Variants in ATL1 observed in about 807,000 individuals in gnomAD.
The protein encoded by ATL1 is atlastin-1.
Under a neutral mutation model 75.5 loss-of-function variants are expected in ATL1, and 31 were observed. That is an observed-to-expected ratio of 0.41 (90% CI 0.31 to 0.55). The LOEUF (loss-of-function observed/expected upper bound fraction) is 0.55. Ranked by LOEUF, ATL1 falls within the 20% of genes least tolerant of loss-of-function variation. ATL1 has a pLI of 0.27. For missense variants in ATL1, 405 were observed against 662.6 expected (o/e 0.61, Z 4.27); for synonymous variants, 226 against 233.3 (o/e 0.97, Z 0.28).
intron 1 of ATL1, among the ~76,000 whole-genome samples, chr14:50,562,622 A>T (rs964666757): frequency 2.6e-5 from 4 of 152,228 alleles, no homozygotes; most frequent in Non-Finnish European, 5.9e-5. Context: ...TTTACCCAGA[A>T]GTCATCAGGA....
upstream of ATL1, chr14:50,559,073 C>G (rs1035505987): frequency 3.9e-5 from 6 of 152,214 alleles, no homozygotes; most frequent in Non-Finnish European, 7.3e-5. Flanking sequence ...ATAATGTCCT[C>G]TCTTCTAGAG....
intron 1 of ATL1, among the ~76,000 whole-genome samples, chr14:50,546,837 GTT>G (rs34495619): frequency 6.6e-6 from 1 of 151,908 alleles, no homozygotes; most frequent in Non-Finnish European, 1.5e-5. Flanking sequence ...TGTGTTTAAG[GTT>G]TTTTTTTAAT....
intron 6 of ATL1, among the ~76,000 whole-genome samples, chr14:50,596,646 G>T (rs1421629538): frequency 6.6e-6 from 1 of 152,080 alleles, no homozygotes; most frequent in East Asian, 1.9e-4. Context: ...GTCATCATAG[G>T]ACAATTTAGT....
chr14:50,593,047 C>G lies in ATL1; in HGVS notation c.523-799C>G, dbSNP rs191717120. Among the ~76,000 whole-genome samples, 414 of 149,472 alleles carry G rather than the reference C, an allele frequency of 2.8e-3. 3 individuals are homozygous for G. The highest frequency in any genetic ancestry group is 9.8e-3 in the African/African-American group (396 of 40,520). On this transcript the variant is annotated intron_variant, in intron 4 of 13. Coordinates refer to ENST00000358385, the MANE Select transcript of ATL1 (RefSeq NM_015915.5). Reference sequence around the variant, plus strand: ...ATTTTGAATACACACATTGTATAAGCCTTTAAAATACTGACTTAATCTAAT... The same window carrying G: ...ATTTTGAATACACACATTGTATAAGGCTTTAAAATACTGACTTAATCTAAT...
chr14:50,547,875 T>C (rs1474039636), intron 1 of ATL1, among the ~76,000 whole-genome samples: 1 of 152,224 alleles, frequency 6.6e-6, no homozygotes, highest in Admixed American at 6.5e-5. Flanking sequence ...TAATGGACTT[T>C]CCAGGTACTA....
At chr14:50,560,833 G>A (rs1182140229) in intron 1 of ATL1, among the ~76,000 whole-genome samples, 1 of 152,198 alleles carries the variant, frequency 6.6e-6, no homozygotes, top group South Asian at 2.1e-4. Flanking sequence ...GCCGGGTCCC[G>A]GACGGACGGT....
At chr14:50,588,169 A>T (rs1210166525) in intron 2 of ATL1, 91 bp downstream of exon 2, 1 of 1,476,472 alleles carries the variant, frequency 6.8e-7, no homozygotes, top group African/African-American at 1.4e-5. Flanking sequence ...TTTCATTTCT[A>T]TTATTATGTA....
chr14:50,618,817 T>A (rs904450201), intron 8 of ATL1, among the ~76,000 whole-genome samples: 2 of 152,000 alleles, frequency 1.3e-5, no homozygotes, highest in African/African-American at 4.8e-5. Flanking sequence ...CAGATCTTGC[T>A]TTTTTACATA....
At chr14:50,608,408 T>C (rs919002565) in intron 6 of ATL1, among the ~76,000 whole-genome samples, 3 of 152,046 alleles carry the variant, frequency 2.0e-5, no homozygotes, top group Admixed American at 6.6e-5. Flanking sequence ...AAACCTTTAA[T>C]AGCTTGGAAT....
At chr14:50,594,563 G>A (rs1458930330) in intron 5 of ATL1, among the ~76,000 whole-genome samples, 1 of 152,096 alleles carries the variant, frequency 6.6e-6, no homozygotes, top group Non-Finnish European at 1.5e-5. Context: ...GCTCCAAAAG[G>A]AGCAGAAACA....
intron 1 of ATL1, among the ~76,000 whole-genome samples, chr14:50,570,697 C>G (rs777005658): frequency 2.6e-5 from 4 of 152,074 alleles, no homozygotes; most frequent in Non-Finnish European, 4.4e-5. Flanking sequence ...GTAGGGTTGC[C>G]ATATTGTCTT....
chr14:50,549,425 T>C (rs1179006743), intron 1 of ATL1, among the ~76,000 whole-genome samples: 2 of 152,116 alleles, frequency 1.3e-5, no homozygotes, highest in Non-Finnish European at 2.9e-5. Context: ...CTGCACCAAG[T>C]CACATACATA....
intron 12 of ATL1, among the ~76,000 whole-genome samples, chr14:50,629,007 C>T (rs964628263): frequency 6.6e-6 from 1 of 152,110 alleles, no homozygotes; most frequent in African/African-American, 2.4e-5. Context: ...CGTGAGCCAC[C>T]CAGCCTACTT....
Position 50,632,461 on chromosome 14 carries a change from G to A in ATL1, c.*122G>A. ...GAGTAAAATACTAAACACCTCTGAA[G>A]ACTGCAAACTGGATTAGTTCTTTTA... On this transcript the variant is annotated 3_prime_UTR_variant, in exon 14 of 14. Transcript: ENST00000358385. 2 of 700,758 alleles carry A rather than the reference G, an allele frequency of 2.9e-6. No homozygotes were observed. Among genetic ancestry groups the A allele is most frequent in the Non-Finnish European group, 5.1e-6 (2 of 389,638 alleles). The allele number at this position is 700,758 out of a possible 1,614,324, so 43.4% of individuals were successfully genotyped here.
intron 6 of ATL1, among the ~76,000 whole-genome samples, chr14:50,608,376 G>A (rs2039334052): frequency 6.6e-6 from 1 of 151,994 alleles, no homozygotes. Flanking sequence ...TAAATATTCA[G>A]GAATTATATA....
chr14:50,609,766 T>G (rs920715903), intron 6 of ATL1, among the ~76,000 whole-genome samples: 1 of 152,032 alleles, frequency 6.6e-6, no homozygotes, highest in Non-Finnish European at 1.5e-5. Context: ...AAGAACCATA[T>G]TCTACTAAAA....
rs559118155 is a variant in ATL1 at position 50,625,018 on chromosome 14, C to T, written c.1119+1770C>T. ...CCAGGAGGCAGAGGTTGCAATGAGC[C>T]AAGATCGCACCACTGCACTGCACTC... On this transcript the variant is annotated intron_variant, in intron 11 of 13. Coordinates refer to ENST00000358385, the MANE Select transcript of ATL1 (RefSeq NM_015915.5). Among the ~76,000 whole-genome samples the T allele has an allele frequency of 5.9e-3, 888 of 150,656 alleles. 3 individuals are homozygous for T. Among genetic ancestry groups the T allele is most frequent in the Middle Eastern group, 0.021 (6 of 282 alleles).
chr14:50,597,884 A>G (rs2039236122), intron 6 of ATL1, among the ~76,000 whole-genome samples: 1 of 152,020 alleles, frequency 6.6e-6, no homozygotes, highest in Non-Finnish European at 1.5e-5. Flanking sequence ...TTTAGTAGAG[A>G]CAGGGTTTCA....
intron 1 of ATL1, among the ~76,000 whole-genome samples, chr14:50,548,578 C>G (rs569312553): frequency 6.6e-6 from 1 of 152,014 alleles, no homozygotes; most frequent in Non-Finnish European, 1.5e-5. Flanking sequence ...GGCGTGATCT[C>G]GGGTCACTGC....
Sources: allele counts gnomAD v4.1 joint callset (sites outside exome capture counted in the v4.1 genomes callset), GRCh38; gene constraint gnomAD v4.1.1; transcripts MANE v1.5; gene names NCBI Gene and HGNC (gene_info 2026-07-23, HGNC 2026-07-21).